TAF3: variants seen among roughly 807,000 people sequenced by gnomAD.
TAF3 encodes the protein TATA-box binding protein associated factor 3, also known as transcription initiation factor TFIID subunit 3.
Under a neutral mutation model 80.6 loss-of-function variants are expected in TAF3, and 7 were observed. The observed-to-expected ratio is 0.09, with a 90% CI of 0.05 to 0.16. TAF3 has a LOEUF of 0.16. Ranked by LOEUF, TAF3 falls within the 10% of genes least tolerant of loss-of-function variation. The probability of loss-of-function intolerance (pLI) is 1.00; values close to 1 mark genes in which losing one functional copy is unlikely to be tolerated. For missense variants in TAF3, 921 were observed against 1,140.2 expected (o/e 0.81, Z 2.77); for synonymous variants, 444 against 446.1 (o/e 1.00, Z 0.06).
intron 4 of TAF3, among the ~76,000 whole-genome samples, chr10:8,002,929 G>T (rs911714708): frequency 2.0e-5 from 3 of 152,150 alleles, no homozygotes; most frequent in Non-Finnish European, 4.4e-5. Context: ...TTATCATCAG[G>T]AAGTAGCCTT....
At chr10:7,892,355 A>G (rs562080999) in intron 2 of TAF3, among the ~76,000 whole-genome samples, 1 of 152,350 alleles carries the variant, frequency 6.6e-6, no homozygotes, top group Admixed American at 6.5e-5. Context: ...CATGGAATGT[A>G]TGTTCCTTTC....
chr10:7,890,100 C>T (rs1837444531), intron 2 of TAF3, among the ~76,000 whole-genome samples: 2 of 152,186 alleles, frequency 1.3e-5, no homozygotes, highest in African/African-American at 4.8e-5. Flanking sequence ...CTTTCATGAA[C>T]CGGCTTCTGC....
intron 4 of TAF3, among the ~76,000 whole-genome samples, chr10:7,992,012 G>A (rs768768682): frequency 6.6e-6 from 1 of 152,086 alleles, no homozygotes; most frequent in Non-Finnish European, 1.5e-5. Context: ...ATCTTTTATG[G>A]CTAACTTACA....
intron 2 of TAF3, among the ~76,000 whole-genome samples, chr10:7,912,752 G>A (rs769572560): frequency 1.7e-4 from 26 of 152,168 alleles, no homozygotes; most frequent in Admixed American, 3.3e-4. Context: ...CAGTTCAATG[G>A]TTCATTGCCA....
chr10:7,917,537 A>C (rs1471394777), intron 2 of TAF3, among the ~76,000 whole-genome samples: 1 of 152,182 alleles, frequency 6.6e-6, no homozygotes, highest in Non-Finnish European at 1.5e-5. Context: ...TATGGAATGG[A>C]CTTGGGATTT....
At chr10:7,915,515 C>T (rs1476975386) in intron 2 of TAF3, among the ~76,000 whole-genome samples, 6 of 151,290 alleles carry the variant, frequency 4.0e-5, no homozygotes, top group East Asian at 4.0e-4. Context: ...TGGTGGTGCG[C>T]GCCCGTAGTC....
At chr10:7,853,460 A>G (rs950125479) in intron 2 of TAF3, among the ~76,000 whole-genome samples, 1 of 152,158 alleles carries the variant, frequency 6.6e-6, no homozygotes, top group Non-Finnish European at 1.5e-5. Flanking sequence ...GTGGTGAAAA[A>G]TGTAGATTAA....
At chr10:7,867,252 G>GTC (rs1019069371) in intron 2 of TAF3, among the ~76,000 whole-genome samples, 1 of 151,512 alleles carries the variant, frequency 6.6e-6, no homozygotes, top group African/African-American at 2.4e-5. Flanking sequence ...GAGTGAGACT[G>GTC]TCACACACAC....
intron 4 of TAF3, among the ~76,000 whole-genome samples, chr10:7,987,748 T>G (rs1831792244): frequency 6.6e-6 from 1 of 152,224 alleles, no homozygotes. Flanking sequence ...GTAGTGAATT[T>G]ATATGAAAAG....
Position 7,831,595 on chromosome 10 carries a change from C to T in TAF3, c.409+7035C>T, listed in dbSNP as rs542460015. The stretch of plus-strand genomic sequence containing the variant: ...TCCTGATCTTGTGATCCTCCTGCCT[C>T]GGCCTCCCAAAGTGCTGGGATTACA... On this transcript the variant is annotated intron_variant, in intron 2 of 6. Coordinates refer to ENST00000344293, the MANE Select transcript of TAF3 (RefSeq NM_031923.4). Among the ~76,000 whole-genome samples the T allele has an allele frequency of 1.2e-4, 18 of 152,296 alleles. No homozygotes were observed. The South Asian group carries it at 2.1e-3, about 18-fold the overall frequency.
intron 2 of TAF3, among the ~76,000 whole-genome samples, chr10:7,828,792 G>T (rs895746161): frequency 6.6e-6 from 1 of 152,010 alleles, no homozygotes; most frequent in African/African-American, 2.4e-5. Flanking sequence ...CCAGCACTTT[G>T]GGAGGCCGAG....
At chr10:7,994,999 AAAAG>A (rs1247389972) in intron 4 of TAF3, among the ~76,000 whole-genome samples, 1 of 151,550 alleles carries the variant, frequency 6.6e-6, no homozygotes, top group Non-Finnish European at 1.5e-5. Context: ...AAAAAAAGAA[AAAAG>A]AAATCCTGAG....
intron 6 of TAF3, 127 bp downstream of exon 6, chr10:8,013,964 G>A: frequency 7.0e-6 from 5 of 718,236 alleles, no homozygotes; most frequent in Non-Finnish European, 1.2e-5. Context: ...ACAGTACATG[G>A]AGTCAAATCA....
intron 2 of TAF3, among the ~76,000 whole-genome samples, chr10:7,909,560 A>G (rs1275898697): frequency 6.6e-6 from 1 of 152,262 alleles, no homozygotes; most frequent in African/African-American, 2.4e-5. Context: ...AAAGAAGGCC[A>G]GAAGATGGAA....
chr10:7,991,248 G>T lies in TAF3; in HGVS notation c.2315+13925G>T, dbSNP rs1831831030. On this transcript the variant is annotated intron_variant, in intron 4 of 6. Transcript: ENST00000344293. Reference sequence around the variant, plus strand: ...GCATGTATATATAATAAGTGTGTATGTGTGTGTGTGGTTTTGCTTCAAACT... The same window carrying T: ...GCATGTATATATAATAAGTGTGTATTTGTGTGTGTGGTTTTGCTTCAAACT... Among the ~76,000 whole-genome samples the T allele has an allele frequency of 2.0e-5, 3 of 151,850 alleles. No individual in the cohort carries two copies. The South Asian group carries it at 6.2e-4, about 32-fold the overall frequency.
At chr10:7,841,082 C>T (rs1836908083) in intron 2 of TAF3, among the ~76,000 whole-genome samples, 2 of 152,080 alleles carry the variant, frequency 1.3e-5, no homozygotes, top group Admixed American at 6.6e-5. Flanking sequence ...AACTCCTGAC[C>T]TCAGGTGATC....
At chr10:7,941,229 A>G (rs1241481764) in intron 2 of TAF3, among the ~76,000 whole-genome samples, 2 of 152,220 alleles carry the variant, frequency 1.3e-5, no homozygotes, top group Admixed American at 6.5e-5. Context: ...TGCTAGATCA[A>G]ATTTGCTGAC....
intron 4 of TAF3, among the ~76,000 whole-genome samples, chr10:8,007,181 A>G (rs530484945): frequency 6.6e-6 from 1 of 152,184 alleles, no homozygotes; most frequent in Non-Finnish European, 1.5e-5. Context: ...TGGCTTACTA[A>G]TACCATGGAA....
intron 2 of TAF3, among the ~76,000 whole-genome samples, chr10:7,921,052 T>C (rs1041609492): frequency 2.6e-4 from 39 of 152,140 alleles, no homozygotes; most frequent in African/African-American, 8.7e-4. Flanking sequence ...GGAGCTCTTT[T>C]CTAGGCCAGA....
Sources: gnomAD v4.1 joint callset for allele counts (sites outside exome capture counted in the v4.1 genomes callset) on GRCh38, gnomAD v4.1.1 for gene constraint, MANE v1.5 for transcripts, NCBI Gene and HGNC (gene_info 2026-07-23, HGNC 2026-07-21) for gene names.